The following ACO1 variants were observed in gnomAD, a reference collection of about 807,000 sequenced individuals.
ACO1 encodes the protein aconitase 1.
A neutral mutation model predicts 105.1 loss-of-function variants in ACO1; 78 were observed. The observed-to-expected ratio is 0.74, with a 90% CI of 0.62 to 0.90. The LOEUF is 0.90. Among genes scored for constraint, ACO1 ranks in the 40% least tolerant of loss-of-function variants. The pLI is 0.00. For synonymous variants in ACO1, 364 were observed against 397.4 expected (o/e 0.92, Z 1.00); for missense variants, 965 against 1,111.1 (o/e 0.87, Z 1.87).
chr9:32,442,842 A>G (rs963627896), intron 19 of ACO1, among the ~76,000 whole-genome samples: 3 of 152,190 alleles, frequency 2.0e-5, no homozygotes, highest in Admixed American at 6.5e-5. Context: ...CTCCCTGGGT[A>G]AAGGGGGACA....
Position 32,433,751 on chromosome 9 carries a change from C to T in ACO1, c.1875C>T (p.Ala625=), listed in dbSNP as rs367936444. Residue 625 remains alanine (A), a synonymous_variant, in exon 16 of 21, where the codon GCC becomes GCT. Transcript: ENST00000309951. ...KIETVNESWN[A]LATPSDKLFF... Reference sequence around the variant, plus strand: ...AGACTGTGAATGAAAGCTGGAATGCCTTAGCAACCCCATCAGATAAGCTGT... The same window carrying T: ...AGACTGTGAATGAAAGCTGGAATGCTTTAGCAACCCCATCAGATAAGCTGT... The T allele has an allele frequency of 1.2e-6, 2 of 1,612,130 alleles. No individual in the cohort carries two copies. The highest frequency in any genetic ancestry group is 1.7e-6 in the Non-Finnish European group (2 of 1,179,528).
intron 13 of ACO1, among the ~76,000 whole-genome samples, 196 bp from the exon 14 acceptor site, chr9:32,430,222 T>G (rs1458765822): frequency 6.6e-6 from 1 of 152,214 alleles, no homozygotes; most frequent in Non-Finnish European, 1.5e-5. Context: ...TAAACATGTC[T>G]CTGCTTCCTT....
chr9:32,422,165 A>G (rs989952960), intron 8 of ACO1, among the ~76,000 whole-genome samples: 2 of 152,214 alleles, frequency 1.3e-5, no homozygotes, highest in African/African-American at 4.8e-5. Flanking sequence ...TCTAGAGGGA[A>G]GGTTAGTTGG....
At chr9:32,444,987 C>G (rs564900402) in intron 19 of ACO1, among the ~76,000 whole-genome samples, 7 of 152,254 alleles carry the variant, frequency 4.6e-5, no homozygotes, top group African/African-American at 1.4e-4. Flanking sequence ...GGTAGATAAG[C>G]TTTTTGATAT....
chr9:32,419,704 T>C (rs769041274), intron 7 of ACO1, among the ~76,000 whole-genome samples: 1 of 152,368 alleles, frequency 6.6e-6, no homozygotes, highest in African/African-American at 2.4e-5. Context: ...AGAGTTTTAC[T>C]TTTTAAATTC....
Position 32,425,958 on chromosome 9 carries a change from T to G in ACO1, c.1309T>G (p.Cys437Gly). 6.2e-7 allele frequency: 1 copy of G among 1,614,106 alleles called. No individual in the cohort carries two copies. The highest frequency in any genetic ancestry group is 8.5e-7 in the Non-Finnish European group (1 of 1,179,964). ...TGTGGTCATTGCTGCCATTACTAGC[T>G]GCACAAACACCAGTAATCCGTCTGT... ...GSVVIAAITS[C>G]TNTSNPSVML... The change falls in exon 11 of 21, where the codon TGC becomes GGC. Residue 437 changes from cysteine to glycine, a missense_variant. By Grantham distance (159) the Cys-to-Gly change is radical. Transcript: ENST00000309951.
chr9:32,451,951 C>T lies in ACO1; in HGVS notation c.*1840C>T, dbSNP rs1364071742. ...TGGTATTGTGTGCCTGTAATCCCAG[C>T]TACACAGGAGGCTGAGGCAGGAGAA... On this transcript the variant is annotated 3_prime_UTR_variant, in exon 21 of 21. Coordinates refer to ENST00000309951, the MANE Select transcript of ACO1 (RefSeq NM_002197.3). The T allele has an allele frequency of 1.3e-5, 2 of 152,034 alleles. No homozygotes were observed. Among genetic ancestry groups the T allele is most frequent in the Non-Finnish European group, 2.9e-5 (2 of 68,042 alleles). The allele number at this position is 152,034 out of a possible 1,614,324, so 9.4% of individuals were successfully genotyped here.
intron 19 of ACO1, 60 bp downstream of exon 19, chr9:32,440,647 G>A (rs1822460008): frequency 1.3e-6 from 2 of 1,572,592 alleles, no homozygotes; most frequent in Non-Finnish European, 1.7e-6. Context: ...GGGTCCCCAG[G>A]CACAAATCCT....
chr9:32,414,021 C>T (rs1227881536), intron 4 of ACO1, among the ~76,000 whole-genome samples: 1 of 151,918 alleles, frequency 6.6e-6, no homozygotes, highest in Non-Finnish European at 1.5e-5. Context: ...TGGTGGCAGG[C>T]GCCTGTAGTC....
At chr9:32,431,643 A>G in intron 14 of ACO1, 76 bp from the exon 15 acceptor site, 1 of 1,525,446 alleles carries the variant, frequency 6.6e-7, no homozygotes, top group East Asian at 2.3e-5. Context: ...TACCGAGGAG[A>G]ACGAGGCTTG....
chr9:32,421,769 AGAAAT>A (rs1469130952), intron 8 of ACO1, among the ~76,000 whole-genome samples: 7 of 152,190 alleles, frequency 4.6e-5, no homozygotes, highest in Admixed American at 2.0e-4. Context: ...AAAAAAGAAA[AGAAAT>A]GAGAGTGTGA....
chr9:32,425,859 G>A lies in ACO1; in HGVS notation c.1210G>A (p.Val404Ile). The change falls in exon 11 of 21, where the codon GTT (valine) becomes ATT (isoleucine). Residue 404 changes from valine to isoleucine, a missense_variant. Physicochemically the swap from Val to Ile is conservative, Grantham distance 29 (BLOSUM62 3). Transcript: ENST00000309951. The part of the protein sequence containing the change: ...GAKQGFKGFQ[V>I]APEHHNDHKT... Reference sequence around the variant, plus strand: ...TTAGCAAGGATTTAAAGGATTCCAAGTTGCTCCTGAACATCATAATGACCA... The same window carrying A: ...TTAGCAAGGATTTAAAGGATTCCAAATTGCTCCTGAACATCATAATGACCA... The A allele has an allele frequency of 6.2e-7, 1 of 1,612,834 alleles. No individual in the cohort carries two copies. Among genetic ancestry groups the A allele is most frequent in the Non-Finnish European group, 8.5e-7 (1 of 1,179,150 alleles).
At chr9:32,438,496 A>C (rs1471519682) in intron 18 of ACO1, among the ~76,000 whole-genome samples, 1 of 152,224 alleles carries the variant, frequency 6.6e-6, no homozygotes, top group African/African-American at 2.4e-5. Flanking sequence ...GAGCTCCAGG[A>C]ATGATAGCTC....
rs1822424235 is a variant in ACO1, at chr9:32,439,088, T to C, written c.2248-1377T>C. ...TAATAGAAAAGTCAGGAGACGTGAG[T>C]TCTAGACCTGCTTAGTCCCTCTGAT... is the stretch of plus-strand genomic sequence containing the variant. On this transcript the variant is annotated intron_variant, in intron 18 of 20. Coordinates refer to ENST00000309951, the MANE Select transcript of ACO1 (RefSeq NM_002197.3). This position sits in a 1 kb window ranked among gnomAD's most constrained non-coding sequence, Gnocchi z 4.0. Among the ~76,000 whole-genome samples the C allele has an allele frequency of 6.6e-6, 1 of 152,132 alleles. No individual in the cohort carries two copies. Among genetic ancestry groups the C allele is most frequent in the African/African-American group, 2.4e-5 (1 of 41,420 alleles).
chr9:32,422,445 C>T (rs534892091), intron 8 of ACO1, among the ~76,000 whole-genome samples: 2 of 152,260 alleles, frequency 1.3e-5, no homozygotes, highest in East Asian at 1.9e-4. Context: ...GAGCTAATGA[C>T]GTTTACAGTT....
Position 32,454,456 on chromosome 9 carries a change from G to T in ACO1, c.*4345G>T, listed in dbSNP as rs1822834950. 1 of 151,862 alleles carries T rather than the reference G, an allele frequency of 6.6e-6. No homozygotes were observed. 9.4% of individuals were successfully genotyped at this position (151,862 alleles called of 1,614,324 possible). On this transcript the variant is annotated 3_prime_UTR_variant, in exon 21 of 21. Coordinates refer to ENST00000309951, the MANE Select transcript of ACO1 (RefSeq NM_002197.3). The stretch of plus-strand genomic sequence containing the variant: ...CATCAGCACAGGCCAGGACCACAGA[G>T]ATAACAAGGTGGTAGTTGTGTAACA...
rs1822807821 is a variant in ACO1, at chr9:32,453,246, C to T, written c.*3135C>T. The stretch of plus-strand genomic sequence containing the variant: ...GCAAATAAGGATGAGGGATGCCCTT[C>T]ATGTGTATTTACACACCAGATTTTT... On this transcript the variant is annotated 3_prime_UTR_variant, in exon 21 of 21. Transcript: ENST00000309951. 1.3e-5 allele frequency: 2 copies of T among 151,668 alleles called. No homozygotes were observed. The highest frequency in any genetic ancestry group is 2.4e-5 in the African/African-American group (1 of 41,242). The allele number at this position is 151,668 out of a possible 1,614,324, so 9.4% of individuals were successfully genotyped here.
intron 1 of ACO1, among the ~76,000 whole-genome samples, chr9:32,398,432 C>T (rs904424562): frequency 6.6e-6 from 1 of 152,210 alleles, no homozygotes; most frequent in Non-Finnish European, 1.5e-5. Flanking sequence ...GGTGTATGGG[C>T]TGACGTGGTT....
intron 4 of ACO1, among the ~76,000 whole-genome samples, chr9:32,417,137 A>G (rs1470002182): frequency 6.6e-6 from 1 of 152,150 alleles, no homozygotes; most frequent in Non-Finnish European, 1.5e-5. Flanking sequence ...TGTGGTCCTG[A>G]GCAAGTTTCT....
Sources: allele counts gnomAD v4.1 joint callset (sites outside exome capture counted in the v4.1 genomes callset), GRCh38; gene constraint gnomAD v4.1.1; non-coding constraint Gnocchi (gnomAD v3.1); transcripts MANE v1.5; gene names NCBI Gene and HGNC (gene_info 2026-07-23, HGNC 2026-07-21).